The following LMNB1 variants were observed in gnomAD, a reference collection of about 807,000 sequenced individuals.
LMNB1 encodes lamin B1.
A neutral mutation model predicts 67.1 loss-of-function variants in LMNB1; 23 were observed. The observed-to-expected ratio is 0.34, with a 90% confidence interval of 0.25 to 0.49. The LOEUF is 0.49. LMNB1 is among the 20% of genes least tolerant of loss of function. The probability of loss-of-function intolerance (pLI) is 0.99; values close to 1 mark genes in which losing one functional copy is unlikely to be tolerated. For missense variants in LMNB1, 634 were observed against 746.5 expected (o/e 0.85, Z 1.76); for synonymous variants, 281 against 282.9 (o/e 0.99, Z 0.07).
chr5:126,817,774 C>G (rs1025786370), intron 5 of LMNB1, among the ~76,000 whole-genome samples: 1 of 152,156 alleles, frequency 6.6e-6, no homozygotes, highest in African/African-American at 2.4e-5. Flanking sequence ...TTATCTCTAG[C>G]CTTCTAGATT....
intron 1 of LMNB1, among the ~76,000 whole-genome samples, chr5:126,797,834 G>A (rs1049762405): frequency 1.2e-4 from 19 of 152,126 alleles, no homozygotes; most frequent in Non-Finnish European, 7.4e-5. Context: ...GCAGCACTTC[G>A]GGAGGCTGAG....
rs117322847 is a variant in LMNB1, at chr5:126,836,093, G to A, written c.1720-130G>A. On this transcript the variant is annotated intron_variant, in intron 10 of 10. Coordinates refer to ENST00000261366, the MANE Select transcript of LMNB1 (RefSeq NM_005573.4). ...AAAGAAAAGGTTAGAAAAGATGAGA[G>A]ATGATAAAGGGTCCATTTGAGGTTA... 3.0e-3 allele frequency: 2,043 copies of A among 689,570 alleles called. 26 individuals are homozygous for A. The highest frequency in any genetic ancestry group is 0.029 in the East Asian group (1,149 of 39,236). The allele number at this position is 689,570 out of a possible 1,614,324, so 42.7% of individuals were successfully genotyped here.
intron 9 of LMNB1, among the ~76,000 whole-genome samples, chr5:126,826,747 T>TAAAAC (rs1444673241): frequency 3.9e-5 from 6 of 152,300 alleles, no homozygotes; most frequent in African/African-American, 1.4e-4. Context: ...TTGAAGCTAG[T>TAAAAC]AAAACATGGC....
At chr5:126,798,234 C>T (rs920106537) in intron 1 of LMNB1, among the ~76,000 whole-genome samples, 3 of 152,080 alleles carry the variant, frequency 2.0e-5, no homozygotes, top group African/African-American at 7.2e-5. Context: ...GGTTGGATCA[C>T]GAGGTCAGTA....
At chr5:126,798,217 C>A (rs1460238414) in intron 1 of LMNB1, among the ~76,000 whole-genome samples, 1 of 151,912 alleles carries the variant, frequency 6.6e-6, no homozygotes, top group Non-Finnish European at 1.5e-5. Context: ...CTTTGGGAGG[C>A]CAAGGCGGTT....
intron 9 of LMNB1, among the ~76,000 whole-genome samples, chr5:126,827,588 G>T (rs1363138310): frequency 6.6e-6 from 1 of 152,114 alleles, no homozygotes; most frequent in Non-Finnish European, 1.5e-5. Context: ...TTGAACTCGG[G>T]ATGAGCTGAG....
Position 126,777,306 on chromosome 5 carries a change from T to A in LMNB1, c.-203T>A. ...TCGCGATCGATCGATTGATTCGTAG[T>A]TCCCCCCCGCGCGCCTTTGCCCTTT... On this transcript the variant is annotated 5_prime_UTR_variant, in exon 1 of 11. Coordinates refer to ENST00000261366, the MANE Select transcript of LMNB1 (RefSeq NM_005573.4). The A allele has an allele frequency of 2.5e-6, 1 of 407,372 alleles. No individual in the cohort carries two copies. The highest frequency in any genetic ancestry group is 4.2e-6 in the Non-Finnish European group (1 of 240,406). The allele number at this position is 407,372 out of a possible 1,614,324, so 25.2% of individuals were successfully genotyped here. A position where few individuals can be genotyped will look rare whatever the true frequency, so the allele number is the denominator to read the frequency against.
chr5:126,793,941 AT>A (rs397942739), intron 1 of LMNB1, among the ~76,000 whole-genome samples: 8 of 149,358 alleles, frequency 5.4e-5, no homozygotes, highest in African/African-American at 1.2e-4. Context: ...TTTTTGTGTA[AT>A]TTTTTTTTTT....
rs1428279327 is a variant in LMNB1 at position 126,820,997 on chromosome 5, G to A, written c.1248G>A (p.Arg416=). 1 of 1,614,002 alleles carries A rather than the reference G, an allele frequency of 6.2e-7. No individual in the cohort carries two copies. The highest frequency in any genetic ancestry group is 2.2e-5 in the East Asian group (1 of 44,886). ...SRSVRTTRGK[R]KRVDVEESEA... is the part of the protein sequence containing the mutation. ...GTGTACGTACAACTAGAGGAAAGCG[G>A]AAGAGGGTTGATGTGGAAGAATCAG... The change falls in exon 7 of 11, where the codon CGG becomes CGA. Residue 416 remains arginine (R), a synonymous_variant. Transcript: ENST00000261366.
intron 9 of LMNB1, among the ~76,000 whole-genome samples, chr5:126,827,378 G>A (rs1752020899): frequency 6.6e-6 from 1 of 152,218 alleles, no homozygotes; most frequent in Non-Finnish European, 1.5e-5. Context: ...TGTGGTATCA[G>A]GCCCAGCGCA....
At chr5:126,797,235 A>T (rs1458643571) in intron 1 of LMNB1, among the ~76,000 whole-genome samples, 2 of 152,234 alleles carry the variant, frequency 1.3e-5, no homozygotes, top group African/African-American at 4.8e-5. Flanking sequence ...AGTTACATTT[A>T]TAAAACTTTA....
chr5:126,778,667 G>A (rs1750546723), intron 1 of LMNB1, among the ~76,000 whole-genome samples: 1 of 152,138 alleles, frequency 6.6e-6, no homozygotes, highest in Non-Finnish European at 1.5e-5. Context: ...CACGGCTACC[G>A]TTCTTAGAAT....
chr5:126,818,584 T>C (rs1332951531), intron 5 of LMNB1, among the ~76,000 whole-genome samples: 1 of 152,214 alleles, frequency 6.6e-6, no homozygotes, highest in Non-Finnish European at 1.5e-5. Flanking sequence ...TTTATACTTT[T>C]GGAAGTAAAG....
intron 2 of LMNB1, among the ~76,000 whole-genome samples, 160 bp downstream of exon 2, chr5:126,805,092 G>C (rs1329384087): frequency 6.6e-6 from 1 of 152,168 alleles, no homozygotes; most frequent in African/African-American, 2.4e-5. Flanking sequence ...TCTTGAGGTA[G>C]CTAACATGCA....
intron 3 of LMNB1, 97 bp from the exon 4 acceptor site, chr5:126,810,083 C>G: frequency 7.1e-6 from 8 of 1,122,816 alleles, no homozygotes; most frequent in Non-Finnish European, 1.0e-5. Context: ...GGAGGAAGTT[C>G]GTGTGTAAAA....
chr5:126,807,050 T>G (rs1404723337), intron 3 of LMNB1, among the ~76,000 whole-genome samples: 2 of 152,356 alleles, frequency 1.3e-5, no homozygotes, highest in African/African-American at 4.8e-5. Flanking sequence ...GTGCTGGGAT[T>G]ACAGGCGTGA....
intron 1 of LMNB1, among the ~76,000 whole-genome samples, chr5:126,800,820 T>G (rs992947355): frequency 7.1e-6 from 1 of 141,146 alleles, no homozygotes; most frequent in African/African-American, 2.6e-5. Context: ...GCCTGGCTAA[T>G]TTTGTATTTT....
intron 1 of LMNB1, among the ~76,000 whole-genome samples, chr5:126,804,282 T>G (rs570178960): frequency 6.8e-6 from 1 of 147,554 alleles, no homozygotes; most frequent in Admixed American, 7.0e-5. Flanking sequence ...CTTGCTATGT[T>G]GCCTAGGTTG....
At chr5:126,787,548 T>TATATATATATATA (rs1348320183) in intron 1 of LMNB1, among the ~76,000 whole-genome samples, 3 of 63,544 alleles carry the variant, frequency 4.7e-5, no homozygotes, top group African/African-American at 2.0e-4. Flanking sequence ...ATATATATAT[T>TATATATATATATA]TTTTTTTTTT....
Sources: gnomAD v4.1 joint callset for allele counts (sites outside exome capture counted in the v4.1 genomes callset) on GRCh38, gnomAD v4.1.1 for gene constraint, MANE v1.5 for transcripts, NCBI Gene and HGNC (gene_info 2026-07-23, HGNC 2026-07-21) for gene names.